Variants in TENM4 observed in about 807,000 individuals in gnomAD.
TENM4 encodes teneurin transmembrane protein 4, also known as teneurin-4.
In TENM4, 82 loss-of-function variants were observed where a neutral mutation model predicts 243.3. The observed-to-expected ratio is 0.34, with a 90% CI of 0.28 to 0.40. The LOEUF (loss-of-function observed/expected upper bound fraction) is 0.40, where lower values mean the gene tolerates loss of function less well. Among genes scored for constraint, TENM4 ranks in the 10% least tolerant of loss-of-function variants. TENM4 has a pLI of 1.00. For missense variants in TENM4, 3,138 were observed against 3,673.3 expected (o/e 0.85, Z 3.77); for synonymous variants, 1,412 against 1,456.3 (o/e 0.97, Z 0.69).
In TENM4 at chr11:78,760,119, G is replaced by C. The variant is rs77475036; in HGVS notation, c.2540-3098C>G. 4.9e-3 allele frequency among the ~76,000 whole-genome samples: 750 copies of C among 152,212 alleles called. 12 individuals carry two copies. The highest frequency in any genetic ancestry group is 0.018 in the African/African-American group (730 of 41,522). ...AAACGATGACCTCCTAGAGATCAGG[G>C]GTTGTCTGATTCATTTCATTATCCC... On this transcript the variant is annotated intron_variant, in intron 18 of 33. Transcript: ENST00000278550.
chr11:79,320,092 A>G (rs1197919948), intron 1 of TENM4, among the ~76,000 whole-genome samples: 32 of 152,174 alleles, frequency 2.1e-4, no homozygotes, highest in Admixed American at 2.1e-3. Context: ...GCGCATACGC[A>G]AGGCACAGTT....
chr11:78,934,861 TTTTTTTA>T (rs1270503486), intron 6 of TENM4, among the ~76,000 whole-genome samples: 4 of 145,016 alleles, frequency 2.8e-5, no homozygotes, highest in African/African-American at 1.1e-4. Context: ...ATATGCAAGT[TTTTTTTA>T]TTTTTTATTT....
At chr11:79,096,085 A>C (rs983373652) in intron 4 of TENM4, 4 of 152,220 alleles carry the variant, frequency 2.6e-5, no homozygotes, top group Admixed American at 6.5e-5. Flanking sequence ...CCTGGATTCC[A>C]ATGCTGCTTC....
intron 1 of TENM4, among the ~76,000 whole-genome samples, chr11:79,335,443 A>G (rs1325575061): frequency 4.6e-5 from 7 of 152,222 alleles, no homozygotes; most frequent in South Asian, 4.1e-4. Flanking sequence ...AGAAGACATA[A>G]ACTAAGAAAT....
intron 3 of TENM4, among the ~76,000 whole-genome samples, chr11:79,169,714 GACAA>G: frequency 6.6e-6 from 1 of 152,296 alleles, no homozygotes; most frequent in Non-Finnish European, 1.5e-5. Context: ...CTAGGGCAAA[GACAA>G]ACACTTATCA....
chr11:78,710,535 G>T (rs1859373717), intron 26 of TENM4, among the ~76,000 whole-genome samples: 1 of 152,236 alleles, frequency 6.6e-6, no homozygotes, highest in Non-Finnish European at 1.5e-5. Flanking sequence ...ATTTCATTCT[G>T]TAAGTGCCAA....
intron 1 of TENM4, among the ~76,000 whole-genome samples, chr11:79,375,166 A>G (rs1033883206): frequency 6.6e-6 from 1 of 152,224 alleles, no homozygotes; most frequent in Non-Finnish European, 1.5e-5. Context: ...GGGGCCTCCA[A>G]TTCATTCCTA....
intron 3 of TENM4, among the ~76,000 whole-genome samples, chr11:79,168,547 A>T (rs886506556): frequency 2.6e-5 from 4 of 152,182 alleles, no homozygotes; most frequent in African/African-American, 9.7e-5. Flanking sequence ...CACATAGAGG[A>T]GCATCTGTTA....
At chr11:78,775,243 G>T (rs1856718709) in intron 17 of TENM4, among the ~76,000 whole-genome samples, 1 of 152,146 alleles carries the variant, frequency 6.6e-6, no homozygotes, top group South Asian at 2.1e-4. Context: ...AACCCCCTCT[G>T]GGAAGCCCTG....
intron 6 of TENM4, among the ~76,000 whole-genome samples, chr11:78,917,367 C>T (rs993683582): frequency 6.6e-6 from 1 of 152,290 alleles, no homozygotes; most frequent in South Asian, 2.1e-4. Flanking sequence ...CTCATGTGAC[C>T]CTTACCTTCT....
At chr11:78,862,850 G>T in intron 10 of TENM4, 112 bp downstream of exon 10, 1 of 1,120,396 alleles carries the variant, frequency 8.9e-7, no homozygotes, top group Non-Finnish European at 1.2e-6. Flanking sequence ...TGGAGGGAGC[G>T]CCAGAGCATG....
chr11:79,023,951 T>C (rs150487357), intron 6 of TENM4, among the ~76,000 whole-genome samples: 4 of 152,300 alleles, frequency 2.6e-5, no homozygotes, highest in Non-Finnish European at 5.9e-5. Context: ...GAAAGAAACA[T>C]TAAGCATTGC....
chr11:78,687,171 A>T (rs1477215752), intron 29 of TENM4, among the ~76,000 whole-genome samples: 1 of 152,082 alleles, frequency 6.6e-6, no homozygotes, highest in African/African-American at 2.4e-5. Flanking sequence ...CATGATGGGC[A>T]CAGGGCCCCA....
chr11:78,799,344 C>A (rs550694162), intron 15 of TENM4, among the ~76,000 whole-genome samples: 1 of 152,170 alleles, frequency 6.6e-6, no homozygotes, highest in South Asian at 2.1e-4. Context: ...AAGGAAACTG[C>A]GCCTCTGAGA....
chr11:78,972,738 A>G (rs766405685), intron 6 of TENM4, among the ~76,000 whole-genome samples: 6 of 152,180 alleles, frequency 3.9e-5, no homozygotes, highest in Non-Finnish European at 8.8e-5. Flanking sequence ...GGGTTTTAGT[A>G]TATTCACAGA....
In TENM4 at chr11:78,912,502, C is replaced by T. The variant is rs186268838; in HGVS notation, c.494-8979G>A. On this transcript the variant is annotated intron_variant, in intron 6 of 33. Coordinates refer to ENST00000278550, the MANE Select transcript of TENM4 (RefSeq NM_001098816.3). Reference sequence around the variant, plus strand: ...GAACTCCTGACCTTGTGATTTGGCCCGCCTCGGCCTCCCAAAGTGCTGGGA... The same window carrying T: ...GAACTCCTGACCTTGTGATTTGGCCTGCCTCGGCCTCCCAAAGTGCTGGGA... Among the ~76,000 whole-genome samples, 979 of 152,266 alleles carry T rather than the reference C, an allele frequency of 6.4e-3. 7 individuals carry two copies. The highest frequency in any genetic ancestry group is 0.022 in the African/African-American group (905 of 41,552).
In TENM4 at chr11:79,064,781, G is replaced by A; in HGVS notation, c.450C>T (p.Ser150=). ...GCTCGGTGTCGGTGAGTGTGAGATT[G>A]GAATTGGCCCGGCTGGACAGGCAGG... ...RSSCLSSRAN[S]NLTLTDTEHE... is the part of the protein sequence containing the mutation. The change falls in exon 6 of 34, where the codon TCC becomes TCT. Residue 150 remains serine, a synonymous_variant. Coordinates refer to ENST00000278550, the MANE Select transcript of TENM4 (RefSeq NM_001098816.3). 1.3e-6 allele frequency: 2 copies of A among 1,551,694 alleles called. No individual in the cohort carries two copies. The highest frequency in any genetic ancestry group is 8.7e-7 in the Non-Finnish European group (1 of 1,146,990).
chr11:79,070,060 G>A (rs553518678), intron 4 of TENM4, 51 bp from the exon 5 acceptor site: 2 of 1,457,812 alleles, frequency 1.4e-6, no homozygotes, highest in Non-Finnish European at 1.8e-6. Flanking sequence ...GAACATTCCC[G>A]GGTTCATCCT....
At chr11:78,905,271 G>C (rs966889869) in intron 6 of TENM4, among the ~76,000 whole-genome samples, 1 of 152,162 alleles carries the variant, frequency 6.6e-6, no homozygotes, top group Non-Finnish European at 1.5e-5. Context: ...AAATCATCAA[G>C]CACAGTCAAG....
Sources: gnomAD v4.1 joint callset for allele counts (sites outside exome capture counted in the v4.1 genomes callset) on GRCh38, gnomAD v4.1.1 for gene constraint, MANE v1.5 for transcripts, NCBI Gene and HGNC (gene_info 2026-07-23, HGNC 2026-07-21) for gene names.